The following R3HDM2 variants were observed in gnomAD, a reference collection of about 807,000 sequenced individuals.
The protein encoded by R3HDM2 is R3H domain-containing protein 2.
In R3HDM2, 38 loss-of-function variants were observed where a neutral mutation model predicts 124.5. That is an observed-to-expected ratio of 0.31 (90% CI 0.24 to 0.40). R3HDM2 has a LOEUF of 0.40. Ranked by LOEUF, R3HDM2 falls within the 10% of genes least tolerant of loss-of-function variation. The probability of loss-of-function intolerance (pLI) is 1.00; values close to 1 mark genes in which losing one functional copy is unlikely to be tolerated. For missense variants in R3HDM2, 869 were observed against 1,236.9 expected, an observed-to-expected ratio of 0.70 and a Z score of 4.46; for synonymous variants, 391 against 448.0, an observed-to-expected ratio of 0.87 and a Z score of 1.61.
rs1054696007 is a variant in R3HDM2 at position 57,311,672 on chromosome 12, C to A, written c.-35-1209G>T. 4.6e-5 allele frequency among the ~76,000 whole-genome samples: 7 copies of A among 152,124 alleles called. No homozygotes were observed. In the East Asian group the frequency reaches 1.3e-3, roughly 29 times the overall value. ...AGAGGTGTGAGCCATCGCACCCAGC[C>A]TTAAATTCTTTCCTTTATCTTAAGC... On this transcript the variant is annotated intron_variant, in intron 2 of 23. Transcript: ENST00000402412.
intron 19 of R3HDM2, among the ~76,000 whole-genome samples, chr12:57,264,445 G>A (rs554721599): frequency 5.4e-5 from 8 of 148,470 alleles, no homozygotes; most frequent in South Asian, 4.3e-4. Context: ...GGTGGCAGGC[G>A]CCTGTAGTCC....
chr12:57,336,265 G>GA (rs1197009811), intron 2 of R3HDM2, among the ~76,000 whole-genome samples: 1 of 152,072 alleles, frequency 6.6e-6, no homozygotes, highest in East Asian at 1.9e-4. Context: ...GCTAAAAGCA[G>GA]AACTACCATT....
chr12:57,415,168 A>G (rs2069449731), intron 1 of R3HDM2: 1 of 152,140 alleles, frequency 6.6e-6, no homozygotes, highest in African/African-American at 2.4e-5. Flanking sequence ...ATTTTTTTGA[A>G]CTATCAAATC....
intron 1 of R3HDM2, among the ~76,000 whole-genome samples, chr12:57,407,560 C>G (rs1159644342): frequency 6.6e-6 from 1 of 151,666 alleles, no homozygotes; most frequent in East Asian, 2.0e-4. Context: ...CGTCTGCCAC[C>G]GTGCCCAGCT....
Position 57,305,838 on chromosome 12 carries a change from C to T in R3HDM2, c.166-2621G>A, listed in dbSNP as rs985968171. Among the ~76,000 whole-genome samples the T allele has an allele frequency of 2.6e-5, 4 of 152,212 alleles. No homozygotes were observed. The South Asian group carries it at 6.2e-4, about 24-fold the overall frequency. ...GCTATGTGCAAGGCACTGTGTTGGC[C>T]TTAGAGATAAAATGGTGAGCCAAAA... is the stretch of plus-strand genomic sequence containing the variant. On this transcript the variant is annotated intron_variant, in intron 3 of 23. Coordinates refer to ENST00000402412, the MANE Select transcript of R3HDM2 (RefSeq NM_001394031.1).
chr12:57,286,748 C>T (rs969294181), intron 12 of R3HDM2, among the ~76,000 whole-genome samples: 2 of 151,996 alleles, frequency 1.3e-5, no homozygotes, highest in East Asian at 1.9e-4. Flanking sequence ...TGTGGTGGTG[C>T]ATGCCTGTAA....
In R3HDM2 at chr12:57,254,739, C is replaced by A. The variant is rs2038382833; in HGVS notation, c.*34G>T. 2 of 1,464,796 alleles carry A rather than the reference C, an allele frequency of 1.4e-6. No individual in the cohort carries two copies. Among genetic ancestry groups the A allele is most frequent in the African/African-American group, 2.8e-5 (2 of 70,966 alleles). 90.7% of individuals were successfully genotyped at this position (1,464,796 alleles called of 1,614,324 possible). ...TTCAACCCCCTCCACCCTGCCCTTGCTCCTTCTGTGACAGTCCCTTTCCCC... is the reference window on the plus strand; with the variant it reads ...TTCAACCCCCTCCACCCTGCCCTTGATCCTTCTGTGACAGTCCCTTTCCCC... On this transcript the variant is annotated 3_prime_UTR_variant, in exon 24 of 24. Transcript: ENST00000402412.
In R3HDM2 at chr12:57,394,497, G is replaced by A. The variant is rs142428444; in HGVS notation, c.-36+1252C>T. ...CAAGGCAGGAGAATCACTTGAACCC[G>A]GGAGGCGGAGGTTGCAGTGAGTGAA... On this transcript the variant is annotated intron_variant, in intron 2 of 23. Coordinates refer to ENST00000402412, the MANE Select transcript of R3HDM2 (RefSeq NM_001394031.1). Among the ~76,000 whole-genome samples, 10 of 152,206 alleles carry A rather than the reference G, an allele frequency of 6.6e-5. No homozygotes were observed. In the East Asian group the frequency reaches 9.7e-4, roughly 15 times the overall value.
intron 22 of R3HDM2, 39 bp downstream of exon 22, chr12:57,256,375 G>T: frequency 6.9e-7 from 1 of 1,447,706 alleles, no homozygotes; most frequent in South Asian, 1.3e-5. Flanking sequence ...ATAAGAAGAG[G>T]GGTCTGATGG....
At chr12:57,424,377 G>A (rs2070508157) in intron 1 of R3HDM2, among the ~76,000 whole-genome samples, 1 of 151,900 alleles carries the variant, frequency 6.6e-6, no homozygotes, top group Middle Eastern at 3.2e-3. Context: ...AGCCAGGCTG[G>A]TCTTGAACTC....
chr12:57,366,933 C>A (rs967780243), intron 2 of R3HDM2, among the ~76,000 whole-genome samples: 1 of 152,080 alleles, frequency 6.6e-6, no homozygotes, highest in Non-Finnish European at 1.5e-5. Flanking sequence ...ATGATCCGCC[C>A]GCCTTTGCCT....
At chr12:57,266,330 A>C (rs941901079) in intron 19 of R3HDM2, among the ~76,000 whole-genome samples, 8 of 151,932 alleles carry the variant, frequency 5.3e-5, no homozygotes, top group Non-Finnish European at 1.0e-4. Flanking sequence ...TCCTGGGCTC[A>C]AGCGATCCAC....
At chr12:57,329,861 T>C (rs954476451) in intron 2 of R3HDM2, among the ~76,000 whole-genome samples, 1 of 152,258 alleles carries the variant, frequency 6.6e-6, no homozygotes. Flanking sequence ...CAATGTTTTA[T>C]AGTTTTTATT....
chr12:57,274,076 A>G (rs1246292424), intron 14 of R3HDM2, among the ~76,000 whole-genome samples: 1 of 152,152 alleles, frequency 6.6e-6, no homozygotes, highest in Admixed American at 6.5e-5. Flanking sequence ...AGCTGCTTAT[A>G]CTGGTGGCTT....
intron 2 of R3HDM2, among the ~76,000 whole-genome samples, chr12:57,341,807 G>T (rs2059593139): frequency 6.6e-6 from 1 of 152,140 alleles, no homozygotes; most frequent in South Asian, 2.1e-4. Context: ...ATTTATAGGG[G>T]AATCCCTGCT....
chr12:57,355,545 G>C (rs2061189636), intron 2 of R3HDM2, among the ~76,000 whole-genome samples: 1 of 151,060 alleles, frequency 6.6e-6, no homozygotes, highest in Non-Finnish European at 1.5e-5. Flanking sequence ...TGGCAACTCT[G>C]TCAAAAATCA....
rs369436093 is a variant in R3HDM2 at position 57,383,948 on chromosome 12, T to C, written c.-36+11801A>G. Among the ~76,000 whole-genome samples the C allele has an allele frequency of 1.1e-3, 167 of 152,292 alleles. 1 individual carries two copies. The highest frequency in any genetic ancestry group is 4.0e-3 in the African/African-American group (165 of 41,560). ...TATTATGTTAAGGGCTAGCTCAAGC[T>C]GCTCACAAGGTAAGCCATGCAGGGA... On this transcript the variant is annotated intron_variant, in intron 2 of 23. Coordinates refer to ENST00000402412, the MANE Select transcript of R3HDM2 (RefSeq NM_001394031.1).
chr12:57,281,452 G>C (rs576318729), intron 13 of R3HDM2, among the ~76,000 whole-genome samples: 1 of 152,214 alleles, frequency 6.6e-6, no homozygotes, highest in African/African-American at 2.4e-5. Flanking sequence ...ACATAAAGAT[G>C]AGTGAAACAC....
chr12:57,368,205 T>C (rs1021422145), intron 2 of R3HDM2, among the ~76,000 whole-genome samples: 1 of 151,972 alleles, frequency 6.6e-6, no homozygotes, highest in African/African-American at 2.4e-5. Flanking sequence ...ATCTACTTTT[T>C]AAAAAAAATT....
Sources: allele counts gnomAD v4.1 joint callset (sites outside exome capture counted in the v4.1 genomes callset), GRCh38; gene constraint gnomAD v4.1.1; transcripts MANE v1.5; gene names NCBI Gene and HGNC (gene_info 2026-07-23, HGNC 2026-07-21).